Variants in EPHA6 observed in about 807,000 individuals in gnomAD.
The protein encoded by EPHA6 is EPH receptor A6, also known as ephrin type-A receptor 6.
In EPHA6, 50 loss-of-function variants were observed where a neutral mutation model predicts 112.0. The ratio of observed to expected loss-of-function variants is 0.45; its 90% CI spans 0.36 to 0.56. The LOEUF (loss-of-function observed/expected upper bound fraction) is 0.56. Among genes scored for constraint, EPHA6 ranks in the 20% least tolerant of loss-of-function variants. EPHA6 has a pLI of 0.00. For synonymous variants in EPHA6, 529 were observed against 490.7 expected (o/e 1.08, Z -1.03); for missense variants, 1,280 against 1,417.4 (o/e 0.90, Z 1.56).
chr3:97,187,688 G>GGAAAGAAGGAAA (rs2077182494), intron 3 of EPHA6, among the ~76,000 whole-genome samples: 1 of 108,016 alleles, frequency 9.3e-6, no homozygotes, highest in Non-Finnish European at 1.9e-5. Context: ...AAAGAAAGAA[G>GGAAAGAAGGAAA]GAAAGAAAGA....
intron 2 of EPHA6, among the ~76,000 whole-genome samples, chr3:96,981,625 A>T (rs973369957): frequency 6.6e-6 from 1 of 152,166 alleles, no homozygotes; most frequent in Non-Finnish European, 1.5e-5. Flanking sequence ...TTCAGAAGGA[A>T]TGGTACCAGC....
intron 4 of EPHA6, among the ~76,000 whole-genome samples, chr3:97,238,547 A>C (rs1049104707): frequency 6.6e-6 from 1 of 151,920 alleles, no homozygotes; most frequent in African/African-American, 2.4e-5. Flanking sequence ...AGTGTCAATC[A>C]TCTCTTCTAT....
At chr3:97,539,030 T>TCTTTCTTTCTTTCTTG (rs1553805977) in intron 11 of EPHA6, among the ~76,000 whole-genome samples, 34 of 145,726 alleles carry the variant, frequency 2.3e-4, no homozygotes, top group African/African-American at 8.8e-4. Context: ...TTTCTTTCTT[T>TCTTTCTTTCTTTCTTG]CTTTCTTGCT....
intron 2 of EPHA6, among the ~76,000 whole-genome samples, chr3:96,966,839 A>T (rs982047468): frequency 1.3e-5 from 2 of 151,934 alleles, no homozygotes; most frequent in African/African-American, 4.8e-5. Flanking sequence ...TAACTTATAA[A>T]CTATTGCATT....
intron 14 of EPHA6, among the ~76,000 whole-genome samples, chr3:97,662,377 G>A (rs996920344): frequency 6.6e-6 from 1 of 152,168 alleles, no homozygotes; most frequent in African/African-American, 2.4e-5. Flanking sequence ...AAAAGGGCTT[G>A]GAGGTGCCCT....
intron 10 of EPHA6, among the ~76,000 whole-genome samples, chr3:97,505,109 G>A (rs1050079452): frequency 1.3e-5 from 2 of 152,170 alleles, no homozygotes; most frequent in African/African-American, 4.8e-5. Flanking sequence ...ACCAAGTAGA[G>A]TGGCAAGGGC....
At chr3:97,374,884 T>A (rs1202048484) in intron 5 of EPHA6, among the ~76,000 whole-genome samples, 1 of 152,170 alleles carries the variant, frequency 6.6e-6, no homozygotes, top group African/African-American at 2.4e-5. Flanking sequence ...TCCTATCCTT[T>A]AATGATATAT....
chr3:97,310,941 A>G (rs1010821397), intron 5 of EPHA6, among the ~76,000 whole-genome samples: 2 of 151,650 alleles, frequency 1.3e-5, no homozygotes, highest in African/African-American at 2.4e-5. Flanking sequence ...CTTGTAAAGT[A>G]TCCACTTCCT....
chr3:97,558,902 T>A (rs2093150863), intron 11 of EPHA6, among the ~76,000 whole-genome samples: 1 of 152,198 alleles, frequency 6.6e-6, no homozygotes, highest in Admixed American at 6.6e-5. Flanking sequence ...TTATACACTT[T>A]AAAACATTTG....
intron 2 of EPHA6, among the ~76,000 whole-genome samples, chr3:96,869,600 C>G (rs1156700249): frequency 6.6e-6 from 1 of 152,006 alleles, no homozygotes; most frequent in Non-Finnish European, 1.5e-5. Flanking sequence ...GGCTAAACCA[C>G]ATTTTGCAAG....
chr3:97,029,433 G>A (rs1174801614), intron 3 of EPHA6, among the ~76,000 whole-genome samples: 1 of 151,856 alleles, frequency 6.6e-6, no homozygotes, highest in African/African-American at 2.4e-5. Context: ...TTATGTAAGA[G>A]AAATACTAAT....
At chr3:97,176,988 A>G (rs549711182) in intron 3 of EPHA6, among the ~76,000 whole-genome samples, 6 of 150,352 alleles carry the variant, frequency 4.0e-5, no homozygotes, top group African/African-American at 1.5e-4. Context: ...GTTTATTTGG[A>G]GTTTTCCCTC....
At chr3:96,933,091 C>CT (rs1289125437) in intron 2 of EPHA6, among the ~76,000 whole-genome samples, 2 of 152,040 alleles carry the variant, frequency 1.3e-5, no homozygotes, top group Non-Finnish European at 2.9e-5. Flanking sequence ...TGGTGGTAGA[C>CT]TAATTCTTCG....
chr3:96,960,004 A>G (rs2041901258), intron 2 of EPHA6, among the ~76,000 whole-genome samples: 1 of 152,160 alleles, frequency 6.6e-6, no homozygotes, highest in Non-Finnish European at 1.5e-5. Context: ...TTTGGCAATA[A>G]TATACTTTAC....
At chr3:97,630,361 GTTAC>G (rs1170173595) in intron 13 of EPHA6, among the ~76,000 whole-genome samples, 1 of 151,848 alleles carries the variant, frequency 6.6e-6, no homozygotes, top group Non-Finnish European at 1.5e-5. Context: ...AAAGGAGATA[GTTAC>G]TTATTTATTT....
intron 3 of EPHA6, among the ~76,000 whole-genome samples, chr3:96,991,160 C>T (rs977695067): frequency 1.3e-5 from 2 of 152,060 alleles, no homozygotes; most frequent in Non-Finnish European, 2.9e-5. Context: ...CAGCCCCAAA[C>T]TATTGATATT....
chr3:96,968,466 TG>T (rs1449312629), intron 2 of EPHA6, among the ~76,000 whole-genome samples: 1 of 151,740 alleles, frequency 6.6e-6, no homozygotes, highest in African/African-American at 2.4e-5. Context: ...AAATATTTTT[TG>T]ATAAAATTCT....
intron 2 of EPHA6, among the ~76,000 whole-genome samples, chr3:96,868,175 TGA>T (rs879840874): frequency 0.019 from 2,757 of 145,874 alleles, 55 homozygotes; most frequent in African/African-American, 0.051. Context: ...TGTGTGTGTG[TGA>T]GAGAGAGAGA....
At chr3:96,872,476 CA>C (rs2036685489) in intron 2 of EPHA6, among the ~76,000 whole-genome samples, 1 of 152,072 alleles carries the variant, frequency 6.6e-6, no homozygotes, top group Non-Finnish European at 1.5e-5. Flanking sequence ...TTCTTCTCTC[CA>C]AAGAATGTTT....
Sources: allele counts gnomAD v4.1 joint callset (sites outside exome capture counted in the v4.1 genomes callset), GRCh38; gene constraint gnomAD v4.1.1; transcripts MANE v1.5; gene names NCBI Gene and HGNC (gene_info 2026-07-23, HGNC 2026-07-21).